Variants in TENM2 observed in about 807,000 individuals in gnomAD.
TENM2 encodes the protein teneurin-2.
Under a neutral mutation model 245.2 loss-of-function variants are expected in TENM2, and 52 were observed. That is an observed-to-expected ratio of 0.21 (90% confidence interval 0.17 to 0.27). The LOEUF (loss-of-function observed/expected upper bound fraction) is 0.27. TENM2 is among the 10% of genes least tolerant of loss of function. TENM2 has a pLI of 1.00. For missense variants in TENM2, 3,046 were observed against 3,666.8 expected (o/e 0.83, Z 4.37); for synonymous variants, 1,363 against 1,438.9 (o/e 0.95, Z 1.19).
At chr5:168,071,725 G>T (rs562723447) in intron 7 of TENM2, among the ~76,000 whole-genome samples, 5 of 152,128 alleles carry the variant, frequency 3.3e-5, no homozygotes, top group South Asian at 4.2e-4. Context: ...TCCTTGTGAT[G>T]AATTCTTGGA....
intron 2 of TENM2, among the ~76,000 whole-genome samples, chr5:167,428,502 C>T (rs976106815): frequency 3.9e-5 from 6 of 152,106 alleles, no homozygotes; most frequent in Admixed American, 3.3e-4. Flanking sequence ...CTTCTTTCTT[C>T]CTTTTTTATT....
At chr5:167,855,114 C>T (rs1364127229) in intron 2 of TENM2, among the ~76,000 whole-genome samples, 1 of 152,148 alleles carries the variant, frequency 6.6e-6, no homozygotes, top group Non-Finnish European at 1.5e-5. Flanking sequence ...CCCTCTTCTC[C>T]ATCTCTCATT....
intron 27 of TENM2, among the ~76,000 whole-genome samples, chr5:168,249,741 C>A (rs1002415342): frequency 6.6e-6 from 1 of 152,006 alleles, no homozygotes; most frequent in Non-Finnish European, 1.5e-5. Context: ...TGCCTGTGGT[C>A]CAAACTACCC....
chr5:168,251,941 C>A (rs1027721512), intron 27 of TENM2, among the ~76,000 whole-genome samples: 3 of 152,174 alleles, frequency 2.0e-5, no homozygotes, highest in African/African-American at 7.2e-5. Context: ...AAATTAGCCT[C>A]CAGGAGCAGG....
chr5:167,750,413 C>G (rs2150642672), intron 2 of TENM2, among the ~76,000 whole-genome samples: 1 of 152,174 alleles, frequency 6.6e-6, no homozygotes, highest in South Asian at 2.1e-4. Flanking sequence ...AGGCATTGTC[C>G]TCGTCATCCT....
intron 2 of TENM2, among the ~76,000 whole-genome samples, chr5:167,614,316 G>A (rs1055482162): frequency 7.2e-5 from 11 of 152,090 alleles, no homozygotes; most frequent in Non-Finnish European, 1.5e-5. Flanking sequence ...GGATTATTTT[G>A]TCACCCTAAG....
chr5:167,582,055 C>T (rs906603595), intron 2 of TENM2, among the ~76,000 whole-genome samples: 1 of 152,048 alleles, frequency 6.6e-6, no homozygotes, highest in African/African-American at 2.4e-5. Flanking sequence ...AGAAGATTCT[C>T]ATATAATATA....
chr5:167,546,366 G>C (rs946829110), intron 2 of TENM2, among the ~76,000 whole-genome samples: 1 of 152,116 alleles, frequency 6.6e-6, no homozygotes, highest in African/African-American at 2.4e-5. Flanking sequence ...TACTGGAATT[G>C]TCTCCCATAA....
intron 23 of TENM2, among the ~76,000 whole-genome samples, chr5:168,225,109 C>T (rs1219664762): frequency 6.6e-6 from 1 of 152,194 alleles, no homozygotes; most frequent in Non-Finnish European, 1.5e-5. Context: ...CTAAGGACAA[C>T]TGCTGATGGT....
At chr5:168,157,391 A>G (rs1757277941) in intron 12 of TENM2, among the ~76,000 whole-genome samples, 1 of 152,218 alleles carries the variant, frequency 6.6e-6, no homozygotes, top group Non-Finnish European at 1.5e-5. Flanking sequence ...TGTTTCCAGC[A>G]GTGTCCAGAA....
chr5:167,608,564 G>A (rs1486907841), intron 2 of TENM2, among the ~76,000 whole-genome samples: 5 of 152,182 alleles, frequency 3.3e-5, no homozygotes, highest in Non-Finnish European at 5.9e-5. Flanking sequence ...GGGCACTTTC[G>A]GCAGCGCCGA....
chr5:167,033,465 T>A, the TENM2 span, among the ~76,000 whole-genome samples: 1 of 152,342 alleles, frequency 6.6e-6, no homozygotes, highest in East Asian at 1.9e-4. Context: ...TTTATCTTCC[T>A]TAGTTATGAA....
At chr5:167,240,206 A>C in the TENM2 span, among the ~76,000 whole-genome samples, 30 of 151,458 alleles carry the variant, frequency 2.0e-4, 1 homozygote, top group South Asian at 2.3e-3. Flanking sequence ...TATGAACAGC[A>C]TCATTCCTCT....
At chr5:168,224,563 G>T (rs749327898) in intron 23 of TENM2, among the ~76,000 whole-genome samples, 1 of 152,066 alleles carries the variant, frequency 6.6e-6, no homozygotes, top group African/African-American at 2.4e-5. Context: ...AGCCCTAAGC[G>T]ACAACATCCA....
chr5:168,167,733 G>C lies in TENM2; in HGVS notation c.2569+4976G>C, dbSNP rs34926084. Among the ~76,000 whole-genome samples, 1,468 of 152,272 alleles carry C rather than the reference G, an allele frequency of 9.6e-3. 10 individuals are homozygous for C. The highest frequency in any genetic ancestry group is 0.036 in the South Asian group (172 of 4,822). The stretch of plus-strand genomic sequence containing the variant: ...CAGGTGACACTGTATCATCATAATT[G>C]ATTGAGGGCTTGGGCTTCAGAGTCA... On this transcript the variant is annotated intron_variant, in intron 13 of 28. Coordinates refer to ENST00000518659, the Ensembl canonical transcript of TENM2.
At chr5:168,137,429 A>C (rs963726319) in intron 12 of TENM2, among the ~76,000 whole-genome samples, 10 of 152,252 alleles carry the variant, frequency 6.6e-5, no homozygotes, top group Non-Finnish European at 1.3e-4. Context: ...GGAGTCCCCA[A>C]GATTACAAAA....
rs1397202796 is a variant in TENM2, at chr5:168,119,735, C to T, written c.2008+1249C>T. Among the ~76,000 whole-genome samples, 5 of 152,306 alleles carry T rather than the reference C, an allele frequency of 3.3e-5. No individual in the cohort carries two copies. In the East Asian group the frequency reaches 7.7e-4, roughly 24 times the overall value. ...GTGAAATGCCCTCACACAACTCAAA[C>T]AGCCCTTTTCCCTCCCATGTCCCCA... On this transcript the variant is annotated intron_variant, in intron 10 of 28. Transcript: ENST00000518659.
the TENM2 span, among the ~76,000 whole-genome samples, chr5:167,260,054 A>G: frequency 6.6e-6 from 1 of 152,188 alleles, no homozygotes; most frequent in African/African-American, 2.4e-5. Flanking sequence ...TAAACACTTT[A>G]TACAAAAAAT....
At chr5:167,068,089 G>A in the TENM2 span, among the ~76,000 whole-genome samples, 1 of 152,316 alleles carries the variant, frequency 6.6e-6, no homozygotes, top group South Asian at 2.1e-4. Flanking sequence ...CTTTAGTAGA[G>A]AGACTTCTTT....
Sources: allele counts gnomAD v4.1 joint callset (sites outside exome capture counted in the v4.1 genomes callset), GRCh38; gene constraint gnomAD v4.1.1; transcripts MANE v1.5; gene names NCBI Gene and HGNC (gene_info 2026-07-23, HGNC 2026-07-21).